Variants in NAALADL2 observed in about 807,000 individuals in gnomAD.
NAALADL2 encodes inactive N-acetylated-alpha-linked acidic dipeptidase-like protein 2.
NAALADL2 carries 76 observed loss-of-function variants against 87.2 expected under a neutral mutation model. The ratio of observed to expected loss-of-function variants is 0.87; its 90% CI spans 0.72 to 1.05. The LOEUF (loss-of-function observed/expected upper bound fraction) is 1.05. NAALADL2 is among the 50% of genes least tolerant of loss of function. The pLI, the probability that NAALADL2 is intolerant of heterozygous loss-of-function variation, is 0.00. For synonymous variants in NAALADL2, 354 were observed against 331.0 expected, an observed-to-expected ratio of 1.07 and a Z score of -0.75; for missense variants, 1,089 against 945.8, an observed-to-expected ratio of 1.15 and a Z score of -1.99.
At chr3:175,396,368 T>C (rs1023400052) in intron 5 of NAALADL2, among the ~76,000 whole-genome samples, 6 of 152,198 alleles carry the variant, frequency 3.9e-5, no homozygotes, top group Non-Finnish European at 7.3e-5. Context: ...GCCAAGATTT[T>C]TAATATGATC....
At chr3:175,039,399 C>T (rs547224565) in intron 1 of NAALADL2, among the ~76,000 whole-genome samples, 7 of 152,272 alleles carry the variant, frequency 4.6e-5, no homozygotes, top group Admixed American at 2.6e-4. Flanking sequence ...AACTCCTGAC[C>T]TCAGAGCTAT....
chr3:174,563,137 GTATC>G (rs1390540708), intron 2 of NAALADL2, among the ~76,000 whole-genome samples: 1 of 151,856 alleles, frequency 6.6e-6, no homozygotes. Flanking sequence ...ACATGAAAGA[GTATC>G]TATAAAATTA....
At chr3:175,754,572 GA>G (rs1324509676) in intron 12 of NAALADL2, among the ~76,000 whole-genome samples, 4 of 152,010 alleles carry the variant, frequency 2.6e-5, no homozygotes, top group Non-Finnish European at 5.9e-5. Context: ...TTCTAGTAAA[GA>G]AAAAAAGAAC....
At chr3:175,026,604 G>A (rs1334761490) in intron 1 of NAALADL2, among the ~76,000 whole-genome samples, 2 of 151,468 alleles carry the variant, frequency 1.3e-5, no homozygotes, top group Non-Finnish European at 2.9e-5. Context: ...TCAGTGAGCC[G>A]AGATCACTCA....
Position 175,442,877 on chromosome 3 carries a change from C to CT in NAALADL2, c.1091-4346dup, listed in dbSNP as rs1195495249. On this transcript the variant is annotated intron_variant, in intron 5 of 13. Transcript: ENST00000454872. ...AAGTGCTAAAATGTAGTGTCGCAGTCTTTTTTGTATGGTATCCTTTCTTTC... is the reference window on the plus strand; with the variant it reads ...AAGTGCTAAAATGTAGTGTCGCAGTCTTTTTTTGTATGGTATCCTTTCTTTC... 1.1e-4 allele frequency among the ~76,000 whole-genome samples: 17 copies of CT among 152,266 alleles called. No individual in the cohort carries two copies. In the East Asian group the frequency reaches 3.3e-3, roughly 29 times the overall value.
chr3:175,733,003 T>A lies in NAALADL2; in HGVS notation c.1897-4303T>A, dbSNP rs558007751. 3.3e-5 allele frequency among the ~76,000 whole-genome samples: 5 copies of A among 152,146 alleles called. No homozygotes were observed. The East Asian group carries it at 9.7e-4, about 29-fold the overall frequency. ...GGTTGGTAAGTGCAACAAACCACCATCATCTACATTTACCTATGTAACAAA... is the reference window on the plus strand; with the variant it reads ...GGTTGGTAAGTGCAACAAACCACCAACATCTACATTTACCTATGTAACAAA... On this transcript the variant is annotated intron_variant, in intron 11 of 13. Transcript: ENST00000454872.
chr3:175,004,058 G>A (rs1748654787), intron 1 of NAALADL2, among the ~76,000 whole-genome samples: 1 of 152,118 alleles, frequency 6.6e-6, no homozygotes, highest in African/African-American at 2.4e-5. Context: ...GAAACACACA[G>A]AGTGTACAGT....
chr3:175,586,267 A>G, intron 10 of NAALADL2, among the ~76,000 whole-genome samples: 1 of 146,552 alleles, frequency 6.8e-6, no homozygotes, highest in East Asian at 1.9e-4. Context: ...TACAGACTAC[A>G]AAGAAGACAT....
chr3:174,608,670 A>T (rs1172949397), intron 2 of NAALADL2, among the ~76,000 whole-genome samples: 1 of 152,022 alleles, frequency 6.6e-6, no homozygotes. Context: ...GGCAATAATC[A>T]ATAGCTTACT....
intron 2 of NAALADL2, among the ~76,000 whole-genome samples, chr3:175,127,114 T>C (rs1369991734): frequency 6.6e-6 from 1 of 152,128 alleles, no homozygotes; most frequent in Admixed American, 6.5e-5. Context: ...TGTTTGCCAC[T>C]GCTCTGGGAC....
intron 1 of NAALADL2, among the ~76,000 whole-genome samples, chr3:175,095,136 T>C (rs1257249502): frequency 6.6e-6 from 1 of 152,064 alleles, no homozygotes; most frequent in Admixed American, 6.6e-5. Flanking sequence ...TCTAGGTTTT[T>C]CAAATGGGGC....
chr3:174,682,590 AAG>A (rs1727650926), intron 2 of NAALADL2, among the ~76,000 whole-genome samples: 1 of 152,186 alleles, frequency 6.6e-6, no homozygotes, highest in Non-Finnish European at 1.5e-5. Context: ...AGAAGAAAAC[AAG>A]AGTCTTTGCC....
At chr3:175,156,637 C>T (rs1732377172) in intron 2 of NAALADL2, among the ~76,000 whole-genome samples, 1 of 151,940 alleles carries the variant, frequency 6.6e-6, no homozygotes, top group Admixed American at 6.6e-5. Context: ...TATTAAATTA[C>T]TAAATTTGTG....
At chr3:175,745,734 C>T (rs552584516) in intron 12 of NAALADL2, among the ~76,000 whole-genome samples, 24 of 152,176 alleles carry the variant, frequency 1.6e-4, no homozygotes, top group African/African-American at 5.5e-4. Flanking sequence ...AGGAAGGTAT[C>T]AAAAACAAAT....
rs561252617 is a variant in NAALADL2 at position 175,539,717 on chromosome 3, A to G, written c.1654-36324A>G. ...GCTTTAAAATGGTAAATTGGGGCAG[A>G]TTGTTCATAGTGTTAGGACATGGAC... On this transcript the variant is annotated intron_variant, in intron 9 of 13. Transcript: ENST00000454872. 7.9e-5 allele frequency among the ~76,000 whole-genome samples: 12 copies of G among 152,238 alleles called. 2 individuals carry two copies. The South Asian group carries it at 2.5e-3, about 32-fold the overall frequency.
Position 175,581,615 on chromosome 3 carries a change from G to T in NAALADL2, c.1800+5428G>T, listed in dbSNP as rs565887270. Among the ~76,000 whole-genome samples the T allele has an allele frequency of 3.9e-5, 6 of 152,250 alleles. No individual in the cohort carries two copies. The South Asian group carries it at 6.2e-4, about 16-fold the overall frequency. On this transcript the variant is annotated intron_variant, in intron 10 of 13. Transcript: ENST00000454872. ...CTTTGGAGCTACATTGAAACTTAAT[G>T]AGTATTAGTTTCCTAAAGGTTAATA...
chr3:174,876,112 G>T (rs1311687007), intron 1 of NAALADL2, among the ~76,000 whole-genome samples: 1 of 151,968 alleles, frequency 6.6e-6, no homozygotes. Context: ...GTGATCAGAT[G>T]TTAACAGCAC....
chr3:175,343,661 T>TTTTG (rs71859460), intron 5 of NAALADL2, among the ~76,000 whole-genome samples: 4 of 131,348 alleles, frequency 3.0e-5, no homozygotes, highest in African/African-American at 1.3e-4. Flanking sequence ...TCATGTTTTT[T>TTTTG]TTTTTTTTTT....
At chr3:174,523,423 G>A (rs1720452336) in intron 1 of NAALADL2, 1 of 151,900 alleles carries the variant, frequency 6.6e-6, no homozygotes, top group Admixed American at 6.6e-5. Flanking sequence ...TGTAATTTCG[G>A]CTTATTTTAC....
Sources: gnomAD v4.1 joint callset for allele counts (sites outside exome capture counted in the v4.1 genomes callset) on GRCh38, gnomAD v4.1.1 for gene constraint, MANE v1.5 for transcripts, NCBI Gene and HGNC (gene_info 2026-07-23, HGNC 2026-07-21) for gene names.